The following APBA1 variants were observed in gnomAD, a reference collection of about 807,000 sequenced individuals.
The protein encoded by APBA1 is amyloid beta precursor protein binding family A member 1.
A neutral mutation model predicts 86.6 loss-of-function variants in APBA1; 55 were observed. The ratio of observed to expected loss-of-function variants is 0.64; its 90% CI spans 0.51 to 0.80. APBA1 has a LOEUF of 0.80. Among genes scored for constraint, APBA1 ranks in the 30% least tolerant of loss-of-function variants. APBA1 has a pLI of 0.00. For synonymous variants in APBA1, 511 were observed against 493.9 expected, an observed-to-expected ratio of 1.03 and a Z score of -0.46; for missense variants, 1,090 against 1,183.0, an observed-to-expected ratio of 0.92 and a Z score of 1.15.
At chr9:69,543,286 C>T (rs909757297) in intron 1 of APBA1, among the ~76,000 whole-genome samples, 1,333 of 126,496 alleles carry the variant, frequency 0.011, 16 homozygotes, top group Non-Finnish European at 0.015. Flanking sequence ...TCCCCCCCCC[C>T]CCCCCGGCCT....
At chr9:69,470,440 G>A (rs1433575928) in intron 4 of APBA1, among the ~76,000 whole-genome samples, 2 of 152,126 alleles carry the variant, frequency 1.3e-5, no homozygotes, top group Non-Finnish European at 2.9e-5. Flanking sequence ...CCCTAGGCCT[G>A]GGGGATGAAT....
chr9:69,582,695 C>G (rs1166663668), intron 1 of APBA1, among the ~76,000 whole-genome samples: 2 of 152,114 alleles, frequency 1.3e-5, no homozygotes, highest in Non-Finnish European at 2.9e-5. Flanking sequence ...CCCACTTCAC[C>G]AGCCCCACCC....
chr9:69,543,732 T>C (rs1051302537), intron 1 of APBA1, among the ~76,000 whole-genome samples: 2 of 152,188 alleles, frequency 1.3e-5, no homozygotes, highest in African/African-American at 4.8e-5. Context: ...ACAAAGCAGA[T>C]AATTGGTGGG....
chr9:69,454,016 T>C (rs1757961), intron 8 of APBA1, among the ~76,000 whole-genome samples: 84,520 of 152,140 alleles, frequency 0.56, 25,122 homozygotes, highest in African/African-American at 0.77. Context: ...CCCACCACAC[T>C]GGAAGGCTTC....
At chr9:69,523,527 A>G (rs1280110465) in intron 1 of APBA1, among the ~76,000 whole-genome samples, 1 of 61,514 alleles carries the variant, frequency 1.6e-5, no homozygotes. Flanking sequence ...ATATATATAT[A>G]TATATAGACA....
Position 69,431,171 on chromosome 9 carries a change from A to C in APBA1, c.*156T>G. 2.3e-6 allele frequency: 1 copy of C among 441,984 alleles called. No homozygotes were observed. The highest frequency in any genetic ancestry group is 4.0e-6 in the Non-Finnish European group (1 of 247,104). The allele number at this position is 441,984 out of a possible 1,614,324, so 27.4% of individuals were successfully genotyped here. On this transcript the variant is annotated 3_prime_UTR_variant, in exon 13 of 13. Coordinates refer to ENST00000265381, the MANE Select transcript of APBA1 (RefSeq NM_001163.4). ...AAAAAAAAAAAAAAAAGCAAATCGG[A>C]GAGAGTAAAGAGGTCCTTGTGGATT...
intron 1 of APBA1, among the ~76,000 whole-genome samples, chr9:69,656,607 A>G (rs541116913): frequency 1.3e-5 from 2 of 152,330 alleles, no homozygotes; most frequent in Non-Finnish European, 2.9e-5. Context: ...GGAGCCTCCC[A>G]GGGGCCAGAA....
intron 1 of APBA1, among the ~76,000 whole-genome samples, chr9:69,583,218 C>A (rs971147621): frequency 3.9e-5 from 6 of 152,204 alleles, no homozygotes; most frequent in African/African-American, 1.4e-4. Flanking sequence ...ATGCTGCTTG[C>A]AAGCAGTTGT....
At chr9:69,434,562 C>T (rs1834665026) in intron 11 of APBA1, among the ~76,000 whole-genome samples, 1 of 152,010 alleles carries the variant, frequency 6.6e-6, no homozygotes, top group Admixed American at 6.6e-5. Flanking sequence ...CAAAAATTAG[C>T]CGGGCGTGGT....
intron 5 of APBA1, among the ~76,000 whole-genome samples, chr9:69,467,390 A>G (rs2133828106): frequency 6.6e-6 from 1 of 152,306 alleles, no homozygotes; most frequent in South Asian, 2.1e-4. Context: ...AGCAAGTTCA[A>G]TCTAGCTTGA....
chr9:69,540,880 C>A (rs1253826454), intron 1 of APBA1, among the ~76,000 whole-genome samples: 1 of 152,206 alleles, frequency 6.6e-6, no homozygotes, highest in Non-Finnish European at 1.5e-5. Context: ...GTTGGGATTA[C>A]AAGCATGAGC....
chr9:69,645,833 G>A (rs775698633), intron 1 of APBA1, among the ~76,000 whole-genome samples: 1 of 152,218 alleles, frequency 6.6e-6, no homozygotes, highest in African/African-American at 2.4e-5. Flanking sequence ...GGGGTTTGGT[G>A]TTGGGTGCTG....
intron 1 of APBA1, among the ~76,000 whole-genome samples, chr9:69,658,104 A>G (rs1348554066): frequency 1.3e-5 from 2 of 152,208 alleles, no homozygotes; most frequent in Non-Finnish European, 2.9e-5. Context: ...GCCAGCAGCT[A>G]CTTCTCAGGA....
intron 2 of APBA1, among the ~76,000 whole-genome samples, chr9:69,492,800 C>A (rs922724850): frequency 1.3e-5 from 2 of 152,054 alleles, no homozygotes; most frequent in South Asian, 2.1e-4. Context: ...TGGTGAAATA[C>A]CCCAGCAAGC....
At chr9:69,566,284 G>A (rs1050577145) in intron 1 of APBA1, among the ~76,000 whole-genome samples, 1 of 152,118 alleles carries the variant, frequency 6.6e-6, no homozygotes, top group African/African-American at 2.4e-5. Flanking sequence ...CCTGGTCTGG[G>A]GTCCCTTTGT....
intron 1 of APBA1, among the ~76,000 whole-genome samples, chr9:69,530,299 T>A (rs1836405195): frequency 1.8e-5 from 1 of 55,246 alleles, no homozygotes; most frequent in Non-Finnish European, 4.1e-5. Context: ...AAAAAAGTTG[T>A]GTGTGTGTAT....
rs367760423 is a variant in APBA1 at position 69,467,860 on chromosome 9, C to G, written c.1445G>C (p.Arg482Pro). 6.2e-7 allele frequency: 1 copy of G among 1,613,994 alleles called. No individual in the cohort carries two copies. The highest frequency in any genetic ancestry group is 1.3e-5 in the African/African-American group (1 of 74,884). Residue 482 changes from arginine (R) to proline (P), a missense_variant, in exon 5 of 13, where the codon CGC (arginine) becomes CCC (proline). Physicochemically the swap from Arg to Pro is moderately radical, Grantham distance 103 (BLOSUM62 -2). This residue lies in a region of APBA1 where 76 missense variants were observed against 122.2 expected (regional missense o/e 0.62). Transcript: ENST00000265381. ...LSDKTPSKNV[R>P]MMQAQEAVSR... ...TACGGCTTCCTGGGCCTGCATCATGCGCACGTTTTTGGAAGGAGTTTTGTC... is the reference window on the plus strand; with the variant it reads ...TACGGCTTCCTGGGCCTGCATCATGGGCACGTTTTTGGAAGGAGTTTTGTC...
chr9:69,573,691 G>A (rs908341912), intron 1 of APBA1, among the ~76,000 whole-genome samples: 18 of 152,156 alleles, frequency 1.2e-4, no homozygotes, highest in East Asian at 1.9e-4. Flanking sequence ...GTATTCTTGC[G>A]AAGAGCTTCA....
chr9:69,579,237 G>A lies in APBA1; in HGVS notation c.-69-61958C>T, dbSNP rs114248618. Among the ~76,000 whole-genome samples, 1,212 of 152,166 alleles carry A rather than the reference G, an allele frequency of 8.0e-3. 14 individuals are homozygous for A. Among genetic ancestry groups the A allele is most frequent in the African/African-American group, 0.028 (1,145 of 41,520 alleles). On this transcript the variant is annotated intron_variant, in intron 1 of 12. Coordinates refer to ENST00000265381, the MANE Select transcript of APBA1 (RefSeq NM_001163.4). The stretch of plus-strand genomic sequence containing the variant: ...TGCAGCCCCACTGTGGTCACAATGT[G>A]CACAGCCACATGAGGAATGCCCCTG...
Sources: gnomAD v4.1 joint callset for allele counts (sites outside exome capture counted in the v4.1 genomes callset) on GRCh38, gnomAD v4.1.1 for gene constraint, gnomAD v4.1.1 regional missense constraint, MANE v1.5 for transcripts, NCBI Gene and HGNC (gene_info 2026-07-23, HGNC 2026-07-21) for gene names.